The following DMXL2 variants were observed in gnomAD, a reference collection of about 807,000 sequenced individuals.
The protein encoded by DMXL2 is Dmx like 2.
Under a neutral mutation model 331.1 loss-of-function variants are expected in DMXL2, and 103 were observed. The ratio of observed to expected loss-of-function variants is 0.31; its 90% confidence interval spans 0.27 to 0.37. The LOEUF is 0.37. Ranked by LOEUF, DMXL2 falls within the 10% of genes least tolerant of loss-of-function variation. The probability of loss-of-function intolerance (pLI) is 1.00; values close to 1 mark genes in which losing one functional copy is unlikely to be tolerated. For missense variants in DMXL2, 3,171 were observed against 3,642.9 expected (o/e 0.87, Z 3.33); for synonymous variants, 1,281 against 1,252.1 (o/e 1.02, Z -0.49).
chr15:51,488,795 T>C, intron 20 of DMXL2, 150 bp from the exon 21 acceptor site: 2 of 603,722 alleles, frequency 3.3e-6, no homozygotes, highest in Non-Finnish European at 5.7e-6. Flanking sequence ...CAGTAGGTTA[T>C]AATATTAATA....
Position 51,481,359 on chromosome 15 carries a change from G to A in DMXL2, c.5747C>T (p.Ala1916Val). 1 of 1,613,972 alleles carries A rather than the reference G, an allele frequency of 6.2e-7. No homozygotes were observed. Among genetic ancestry groups the A allele is most frequent in the African/African-American group, 1.3e-5 (1 of 75,036 alleles). ...SKIPKVTKTS[A>V]LSAKKDQPDF... ...AGGCTGATCTTTTTTTGCAGATAAGGCAGATGTTTTGGTTACTTTTGGAAT... is the reference window on the plus strand; with the variant it reads ...AGGCTGATCTTTTTTTGCAGATAAGACAGATGTTTTGGTTACTTTTGGAAT... Residue 1916 changes from alanine to valine, a missense_variant, in exon 24 of 44, where the codon GCC becomes GTC. This residue lies in a region of DMXL2 where 244 missense variants were observed against 251.4 expected (regional missense o/e 0.97). Transcript: ENST00000560891.
At chr15:51,507,419 T>G (rs1268048868) in intron 15 of DMXL2, among the ~76,000 whole-genome samples, 166 bp from the exon 16 acceptor site, 2 of 152,214 alleles carry the variant, frequency 1.3e-5, no homozygotes, top group African/African-American at 4.8e-5. Flanking sequence ...GAAAGTTAGA[T>G]AGCTATCAAG....
intron 26 of DMXL2, among the ~76,000 whole-genome samples, chr15:51,477,530 G>A (rs2041681716): frequency 6.6e-6 from 1 of 151,942 alleles, no homozygotes; most frequent in Non-Finnish European, 1.5e-5. Flanking sequence ...CATTTTGATA[G>A]ATAATTCTTT....
At chr15:51,593,145 T>A (rs891356308) in intron 1 of DMXL2, among the ~76,000 whole-genome samples, 5 of 152,280 alleles carry the variant, frequency 3.3e-5, no homozygotes, top group Non-Finnish European at 7.4e-5. Context: ...TCAAGACCCA[T>A]CAGTGTGCTG....
At chr15:51,456,689 AC>A (rs2039650290) in intron 37 of DMXL2, among the ~76,000 whole-genome samples, 2 of 152,172 alleles carry the variant, frequency 1.3e-5, no homozygotes, top group Admixed American at 1.3e-4. Flanking sequence ...TAAGAATGGG[AC>A]CCCTCCAGCT....
At chr15:51,535,615 A>G in intron 13 of DMXL2, 48 bp downstream of exon 13, 1 of 1,516,990 alleles carries the variant, frequency 6.6e-7, no homozygotes, top group Non-Finnish European at 8.9e-7. Flanking sequence ...GTCAAAAGAG[A>G]ATTCTTTATC....
chr15:51,590,258 G>T (rs778088263), intron 1 of DMXL2, among the ~76,000 whole-genome samples: 6 of 152,176 alleles, frequency 3.9e-5, no homozygotes, highest in Non-Finnish European at 7.4e-5. Context: ...AAGAAATGTA[G>T]CAGGTATTAA....
chr15:51,597,022 GTAAC>G (rs2052869509), intron 1 of DMXL2, among the ~76,000 whole-genome samples: 2 of 152,098 alleles, frequency 1.3e-5, no homozygotes, highest in Non-Finnish European at 2.9e-5. Context: ...GTATACATAT[GTAAC>G]TAACCTGCAC....
At chr15:51,505,228 T>A (rs754833023) in intron 16 of DMXL2, among the ~76,000 whole-genome samples, 1 of 152,210 alleles carries the variant, frequency 6.6e-6, no homozygotes, top group East Asian at 1.9e-4. Flanking sequence ...CAGCAAAGAT[T>A]AGAACAAAAA....
intron 1 of DMXL2, among the ~76,000 whole-genome samples, chr15:51,577,223 G>A (rs1035132924): frequency 2.6e-5 from 4 of 152,046 alleles, no homozygotes; most frequent in Admixed American, 1.3e-4. Flanking sequence ...GTGTGGTTAC[G>A]ACCTACAAAA....
chr15:51,473,199 C>T, intron 28 of DMXL2, among the ~76,000 whole-genome samples: 1 of 152,134 alleles, frequency 6.6e-6, no homozygotes, highest in Non-Finnish European at 1.5e-5. Context: ...CTAAACTGGT[C>T]CATTCCCATT....
chr15:51,536,088 C>T, intron 12 of DMXL2, 78 bp downstream of exon 12: 3 of 1,278,502 alleles, frequency 2.3e-6, no homozygotes, highest in Non-Finnish European at 3.2e-6. Context: ...TTAATGACAA[C>T]AAATATAAAC....
intron 2 of DMXL2, among the ~76,000 whole-genome samples, chr15:51,569,442 A>G (rs988309750): frequency 1.9e-4 from 29 of 152,066 alleles, no homozygotes; most frequent in African/African-American, 7.0e-4. Flanking sequence ...CTCTAAAGAG[A>G]GCAGCAATTC....
Position 51,535,257 on chromosome 15 carries a change from C to T in DMXL2, c.2436+406G>A, listed in dbSNP as rs74013286. On this transcript the variant is annotated intron_variant, in intron 13 of 43. Coordinates refer to ENST00000560891, the MANE Select transcript of DMXL2 (RefSeq NM_001378457.1). ...CCACCCACTGATAACAAATTCTAACCAGAGAATTTTTTAAAATGGTGAATC... is the reference window on the plus strand; with the variant it reads ...CCACCCACTGATAACAAATTCTAACTAGAGAATTTTTTAAAATGGTGAATC... 3.6e-3 allele frequency among the ~76,000 whole-genome samples: 553 copies of T among 152,148 alleles called. 2 individuals are homozygous for T. Among genetic ancestry groups the T allele is most frequent in the African/African-American group, 0.013 (535 of 41,528 alleles).
At position 51,474,469 on chromosome 15, in the gene DMXL2, G is replaced by C. The variant is rs2041397224; in HGVS notation, c.7088C>G (p.Thr2363Arg). Residue 2363 changes from threonine (T) to arginine (R), a missense_variant, in exon 28 of 44, where the codon ACA becomes AGA. Around this residue, in one of 7 missense-constraint regions of DMXL2, gnomAD observed 766 missense variants for 940.5 expected, o/e 0.81. Transcript: ENST00000560891. The stretch of plus-strand genomic sequence containing the variant: ...CCGAAATAATTCACTGGAGGAATTT[G>C]TGGCAAGAGCATGTATCAATAAACT... ...YLSLLIHALA[T>R]NSSSELFRLA... The C allele has an allele frequency of 6.2e-7, 1 of 1,614,150 alleles. No individual in the cohort carries two copies. Among genetic ancestry groups the C allele is most frequent in the Non-Finnish European group, 8.5e-7 (1 of 1,180,006 alleles).
At chr15:51,552,997 T>C (rs983285909) in intron 6 of DMXL2, among the ~76,000 whole-genome samples, 1 of 152,226 alleles carries the variant, frequency 6.6e-6, no homozygotes, top group African/African-American at 2.4e-5. Context: ...CTCTTTCCCC[T>C]GAACTTCACA....
At chr15:51,596,325 C>T (rs1228235908) in intron 1 of DMXL2, among the ~76,000 whole-genome samples, 1 of 152,168 alleles carries the variant, frequency 6.6e-6, no homozygotes, top group Non-Finnish European at 1.5e-5. Flanking sequence ...AAAAAATGCT[C>T]ATCATCACTG....
intron 1 of DMXL2, among the ~76,000 whole-genome samples, chr15:51,589,783 C>T (rs1902592): frequency 0.48 from 72,558 of 151,788 alleles, 17,692 homozygotes; most frequent in Non-Finnish European, 0.52. Flanking sequence ...GAAAATAATT[C>T]GATATTATGA....
intron 16 of DMXL2, among the ~76,000 whole-genome samples, chr15:51,506,450 C>CTTTTTTT (rs531570148): frequency 2.5e-5 from 3 of 121,976 alleles, no homozygotes; most frequent in Admixed American, 8.5e-5. Flanking sequence ...AGCAATTCTG[C>CTTTTTTT]TTTTTTTTTT....
Sources: allele counts gnomAD v4.1 joint callset (sites outside exome capture counted in the v4.1 genomes callset), GRCh38; gene constraint gnomAD v4.1.1; regional missense constraint gnomAD v4.1.1; transcripts MANE v1.5; gene names NCBI Gene and HGNC (gene_info 2026-07-23, HGNC 2026-07-21).